KMT2C: variants seen among roughly 807,000 people sequenced by gnomAD.
KMT2C encodes lysine methyltransferase 2C.
KMT2C carries 88 observed loss-of-function variants against 507.9 expected under a neutral mutation model. That is an observed-to-expected ratio of 0.17 (90% confidence interval 0.15 to 0.21). KMT2C has a LOEUF of 0.21. Among genes scored for constraint, KMT2C ranks in the 10% least tolerant of loss-of-function variants. The pLI is 1.00. For synonymous variants in KMT2C, 2,049 were observed against 2,080.8 expected (o/e 0.98, Z 0.42); for missense variants, 4,954 against 5,957.8 (o/e 0.83, Z 5.55).
intron 3 of KMT2C, among the ~76,000 whole-genome samples, chr7:152,316,112 G>T (rs1293282558): frequency 6.6e-6 from 1 of 152,046 alleles, no homozygotes; most frequent in Admixed American, 6.6e-5. Flanking sequence ...AATAGTTCCT[G>T]GGTTGAGTGG....
At chr7:152,160,635 TTATATTTATATA>T (rs201688014) in intron 43 of KMT2C, among the ~76,000 whole-genome samples, 17 of 146,718 alleles carry the variant, frequency 1.2e-4, no homozygotes, top group African/African-American at 1.0e-4. Flanking sequence ...ATTTATATAT[TTATATTTATATA>T]TATATTTATA....
In KMT2C at chr7:152,171,359, C is replaced by T. The variant is rs1726882420; in HGVS notation, c.9375-17G>A. 1 of 1,544,470 alleles carries T rather than the reference C, an allele frequency of 6.5e-7. No homozygotes were observed. The highest frequency in any genetic ancestry group is 8.9e-7 in the Non-Finnish European group (1 of 1,127,168). On this transcript the variant is annotated splice_polypyrimidine_tract_variant and intron_variant, in intron 39 of 58. Coordinates refer to ENST00000262189, the MANE Select transcript of KMT2C (RefSeq NM_170606.3). ...AAAGGGAACCTGTCAAAACAGGGTA[C>T]ACAAGTATCAAGTGATGAGCGTTTA...
intron 1 of KMT2C, among the ~76,000 whole-genome samples, chr7:152,420,154 C>T (rs969367954): frequency 3.3e-5 from 5 of 152,224 alleles, no homozygotes; most frequent in Non-Finnish European, 7.3e-5. Context: ...TTTTGCCTAA[C>T]ATCCTCCTTG....
chr7:152,337,429 T>C (rs935655310), intron 2 of KMT2C, among the ~76,000 whole-genome samples: 6 of 152,194 alleles, frequency 3.9e-5, no homozygotes, highest in African/African-American at 1.4e-4. Flanking sequence ...CTTAAATAAG[T>C]TCATAACATA....
chr7:152,320,366 A>G (rs1471682156), intron 3 of KMT2C, among the ~76,000 whole-genome samples: 1 of 152,154 alleles, frequency 6.6e-6, no homozygotes, highest in Non-Finnish European at 1.5e-5. Context: ...CTCCTGCCTC[A>G]GCCTCCCGAG....
Position 152,162,523 on chromosome 7 carries a change from G to A in KMT2C, c.11054C>T (p.Pro3685Leu), listed in dbSNP as rs774439877. 5 of 1,614,058 alleles carry A rather than the reference G, an allele frequency of 3.1e-6. No homozygotes were observed. The South Asian group carries it at 3.3e-5, about 11-fold the overall frequency. Residue 3685 changes from proline (P) to leucine (L), a missense_variant, in exon 43 of 59, where the codon CCC (proline) becomes CTC (leucine). Around this residue, in one of 29 missense-constraint regions of KMT2C, gnomAD observed 801 missense variants for 751.2 expected, o/e 1.07. Coordinates refer to ENST00000262189, the MANE Select transcript of KMT2C (RefSeq NM_170606.3). ...AGTTGCTTGTGAGAAATCACTATTG[G>A]GCAGTTTGTTCTCTAATTCTGTACA... is the stretch of plus-strand genomic sequence containing the variant. ...QLCTELENKL[P>L]NSDFSQATPN...
chr7:152,232,540 T>C (rs1213299044), intron 16 of KMT2C, among the ~76,000 whole-genome samples: 2 of 152,170 alleles, frequency 1.3e-5, no homozygotes, highest in African/African-American at 2.4e-5. Context: ...TCAGAAATAA[T>C]ATTGGCAATT....
intron 6 of KMT2C, among the ~76,000 whole-genome samples, chr7:152,290,051 AAAC>A (rs1438894848): frequency 1.4e-5 from 2 of 144,060 alleles, no homozygotes; most frequent in African/African-American, 5.2e-5. Context: ...AAAACAAACA[AAAC>A]AAAACAAACA....
At chr7:152,290,271 TA>T (rs2096394977) in intron 6 of KMT2C, among the ~76,000 whole-genome samples, 8 of 29,968 alleles carry the variant, frequency 2.7e-4, no homozygotes, top group Admixed American at 3.9e-4. Flanking sequence ...TATATATATA[TA>T]TATATATATA....
chr7:152,375,999 G>C (rs1206813002), intron 1 of KMT2C, among the ~76,000 whole-genome samples: 1 of 151,970 alleles, frequency 6.6e-6, no homozygotes, highest in East Asian at 1.9e-4. Flanking sequence ...TTTTTATAGA[G>C]ATGGGGTGTC....
intron 2 of KMT2C, among the ~76,000 whole-genome samples, chr7:152,355,445 T>C (rs771347409): frequency 6.6e-6 from 1 of 151,746 alleles, no homozygotes; most frequent in East Asian, 1.9e-4. Flanking sequence ...AACATAATAA[T>C]AGCACAAAAA....
chr7:152,141,994 C>A (rs2090618761), intron 55 of KMT2C, among the ~76,000 whole-genome samples: 2 of 152,172 alleles, frequency 1.3e-5, no homozygotes, highest in Non-Finnish European at 2.9e-5. Flanking sequence ...CGCACTCCAG[C>A]CTGGGCGACA....
intron 3 of KMT2C, among the ~76,000 whole-genome samples, chr7:152,320,441 G>A (rs2096763086): frequency 6.6e-6 from 1 of 152,108 alleles, no homozygotes; most frequent in African/African-American, 2.4e-5. Flanking sequence ...TAGAGACGGA[G>A]TTTTGCCATG....
In KMT2C at chr7:152,185,591, T is replaced by C; in HGVS notation, c.5049A>G (p.Arg1683=). The change falls in exon 34 of 59, where the codon AGA becomes AGG. Residue 1683 remains arginine, a synonymous_variant. Transcript: ENST00000262189. Reference sequence around the variant, plus strand: ...GTGCTCTTTCTTGTGAGCTTGCTTTTCTCCACAATTTGGCAATTTGCTTCA... The same window carrying C: ...GTGCTCTTTCTTGTGAGCTTGCTTTCCTCCACAATTTGGCAATTTGCTTCA... ...TRVKQIAKLW[R]KASSQERAPY... 1.9e-6 allele frequency: 3 copies of C among 1,613,814 alleles called. No homozygotes were observed. The highest frequency in any genetic ancestry group is 2.5e-6 in the Non-Finnish European group (3 of 1,179,906).
intron 1 of KMT2C, among the ~76,000 whole-genome samples, chr7:152,427,115 A>T (rs1189623775): frequency 1.3e-5 from 2 of 152,098 alleles, no homozygotes; most frequent in Non-Finnish European, 2.9e-5. Flanking sequence ...ACCCAGGTTC[A>T]AGCAATTCTC....
At chr7:152,174,061 T>C in intron 39 of KMT2C, 70 bp downstream of exon 39, 2 of 835,116 alleles carry the variant, frequency 2.4e-6, no homozygotes, top group Non-Finnish European at 3.9e-6. Context: ...CTGTATGTTT[T>C]TTCTAAAAAC....
At chr7:152,374,310 T>C (rs2097312313) in intron 1 of KMT2C, among the ~76,000 whole-genome samples, 1 of 150,272 alleles carries the variant, frequency 6.7e-6, no homozygotes, top group South Asian at 2.1e-4. Flanking sequence ...AGCAAGACTC[T>C]GTCTCAAAAA....
intron 1 of KMT2C, among the ~76,000 whole-genome samples, chr7:152,412,188 G>A (rs1417455986): frequency 1.3e-5 from 2 of 152,158 alleles, no homozygotes; most frequent in Non-Finnish European, 2.9e-5. Context: ...GATCACTTGA[G>A]GCAAGAGTTT....
In KMT2C at chr7:152,156,219, AAC is replaced by A; in HGVS notation, c.11796_11797del (p.Leu3933SerfsTer4). On this transcript the variant is annotated frameshift_variant, in exon 45 of 59. Coordinates refer to ENST00000262189, the MANE Select transcript of KMT2C (RefSeq NM_170606.3). LOFTEE classifies it high-confidence loss of function. The stretch of plus-strand genomic sequence containing the variant: ...TATAATCATACCTTCATGGCTCACT[AAC>A]ACTCCGGCTTTTCCAGCAAGTTCTT... 6.2e-7 allele frequency: 1 copy of A among 1,614,114 alleles called. No individual in the cohort carries two copies. Among genetic ancestry groups the A allele is most frequent in the Non-Finnish European group, 8.5e-7 (1 of 1,179,996 alleles).
Sources: allele counts gnomAD v4.1 joint callset (sites outside exome capture counted in the v4.1 genomes callset), GRCh38; gene constraint gnomAD v4.1.1; regional missense constraint gnomAD v4.1.1; transcripts MANE v1.5; gene names NCBI Gene and HGNC (gene_info 2026-07-23, HGNC 2026-07-21).